The following ARHGAP25 variants were observed in gnomAD, a reference collection of about 807,000 sequenced individuals.
ARHGAP25 encodes the protein Rho GTPase activating protein 25, also known as rho GTPase-activating protein 25.
ARHGAP25 carries 34 observed loss-of-function variants against 71.0 expected under a neutral mutation model. That is an observed-to-expected ratio of 0.48 (90% confidence interval 0.36 to 0.64). The LOEUF is 0.64. ARHGAP25 is among the 30% of genes least tolerant of loss of function. The probability of loss-of-function intolerance (pLI) is 0.00; values close to 1 mark genes in which losing one functional copy is unlikely to be tolerated. For missense variants in ARHGAP25, 706 were observed against 805.1 expected, an observed-to-expected ratio of 0.88 and a Z score of 1.49; for synonymous variants, 282 against 296.5, an observed-to-expected ratio of 0.95 and a Z score of 0.50.
chr2:68,720,545 C>T (rs1372161550), intron 2 of ARHGAP25, among the ~76,000 whole-genome samples: 1 of 152,058 alleles, frequency 6.6e-6, no homozygotes, highest in African/African-American at 2.4e-5. Flanking sequence ...TTCCCAAAGT[C>T]CTACAGTAAG....
At chr2:68,811,373 G>A (rs553479275) in intron 5 of ARHGAP25, among the ~76,000 whole-genome samples, 21 of 152,150 alleles carry the variant, frequency 1.4e-4, no homozygotes, top group African/African-American at 5.1e-4. Flanking sequence ...TTGGACTTTG[G>A]GAGAATTCTG....
At chr2:68,818,671 A>G (rs930602077) in intron 8 of ARHGAP25, among the ~76,000 whole-genome samples, 1 of 152,250 alleles carries the variant, frequency 6.6e-6, no homozygotes, top group African/African-American at 2.4e-5. Flanking sequence ...CTGCTTAAAA[A>G]GCTGTGCTGT....
At chr2:68,815,001 A>AATTT (rs1457113744) in intron 6 of ARHGAP25, among the ~76,000 whole-genome samples, 2 of 152,256 alleles carry the variant, frequency 1.3e-5, no homozygotes, top group Non-Finnish European at 2.9e-5. Context: ...GGCAGCTAAA[A>AATTT]AGATAAACGT....
At chr2:68,784,175 TTC>T (rs549919568) in intron 3 of ARHGAP25, among the ~76,000 whole-genome samples, 2 of 150,206 alleles carry the variant, frequency 1.3e-5, no homozygotes, top group Non-Finnish European at 1.5e-5. Flanking sequence ...CTCTCTCTCT[TTC>T]TCTCTCTCTC....
In ARHGAP25 at chr2:68,812,197, A is replaced by T. The variant is rs148286251; in HGVS notation, c.675-1090A>T. Among the ~76,000 whole-genome samples the T allele has an allele frequency of 1.8e-4, 28 of 152,270 alleles. No individual in the cohort carries two copies. The East Asian group carries it at 5.4e-3, about 29-fold the overall frequency. On this transcript the variant is annotated intron_variant, in intron 5 of 10. Coordinates refer to ENST00000409202, the MANE Select transcript of ARHGAP25 (RefSeq NM_001007231.3). ...ACAAGTGTGGTGGTGTTCTTCTATAATTTTACTTACAGATGCTGACATCTG... is the reference window on the plus strand; with the variant it reads ...ACAAGTGTGGTGGTGTTCTTCTATATTTTTACTTACAGATGCTGACATCTG...
intron 2 of ARHGAP25, among the ~76,000 whole-genome samples, chr2:68,779,147 C>T (rs1374830263): frequency 6.6e-6 from 1 of 152,158 alleles, no homozygotes; most frequent in Non-Finnish European, 1.5e-5. Context: ...GGTTGTCTAC[C>T]AGCGGTGTGC....
intron 4 of ARHGAP25, among the ~76,000 whole-genome samples, chr2:68,802,707 A>AAGAGAG (rs35124579): frequency 8.0e-4 from 119 of 148,268 alleles, no homozygotes; most frequent in Middle Eastern, 3.4e-3. Context: ...ATAGAGGAGA[A>AAGAGAG]AGAGAGAGAG....
chr2:68,756,653 C>A (rs1188599833), intron 1 of ARHGAP25, among the ~76,000 whole-genome samples: 1 of 152,110 alleles, frequency 6.6e-6, no homozygotes, highest in African/African-American at 2.4e-5. Flanking sequence ...ACAACAATTA[C>A]AATAAACAAA....
At chr2:68,752,148 A>G (rs1312620296) in intron 1 of ARHGAP25, among the ~76,000 whole-genome samples, 1 of 152,242 alleles carries the variant, frequency 6.6e-6, no homozygotes. Flanking sequence ...CATAGAGGGC[A>G]GGCAGCAAAA....
chr2:68,729,428 G>A (rs1459094620), intron 2 of ARHGAP25, among the ~76,000 whole-genome samples: 1 of 152,174 alleles, frequency 6.6e-6, no homozygotes, highest in Admixed American at 6.5e-5. Context: ...CCTAGAGCCA[G>A]TGGGCTGCAA....
At chr2:68,738,504 ACT>A (rs1362925248) in intron 1 of ARHGAP25, among the ~76,000 whole-genome samples, 1 of 152,122 alleles carries the variant, frequency 6.6e-6, no homozygotes, top group Non-Finnish European at 1.5e-5. Flanking sequence ...TACCAAACTT[ACT>A]ATATGCTAAC....
intron 7 of ARHGAP25, 137 bp from the exon 8 acceptor site, chr2:68,817,736 G>T: frequency 9.3e-7 from 1 of 1,080,410 alleles, no homozygotes. Flanking sequence ...AAATTCTTGT[G>T]GGCAGAGCAG....
At chr2:68,816,703 T>C (rs1173929092) in intron 7 of ARHGAP25, 1 of 216,214 alleles carries the variant, frequency 4.6e-6, no homozygotes, top group Non-Finnish European at 9.4e-6. Context: ...GAGACATTCA[T>C]TCTGGGCCAC....
chr2:68,792,919 A>C (rs958188401), intron 4 of ARHGAP25, among the ~76,000 whole-genome samples: 1 of 152,156 alleles, frequency 6.6e-6, no homozygotes, highest in Non-Finnish European at 1.5e-5. Context: ...TTTTCTCTGC[A>C]TCTTGACCGA....
chr2:68,746,583 CA>C (rs1675825511), intron 1 of ARHGAP25, among the ~76,000 whole-genome samples: 1 of 152,110 alleles, frequency 6.6e-6, no homozygotes, highest in African/African-American at 2.4e-5. Flanking sequence ...AGGCCCAGAA[CA>C]AAGTTCGGAT....
intron 2 of ARHGAP25, among the ~76,000 whole-genome samples, chr2:68,711,828 T>C (rs763778166): frequency 2.0e-5 from 3 of 152,200 alleles, no homozygotes; most frequent in Non-Finnish European, 4.4e-5. Flanking sequence ...TTCATCCATG[T>C]CTCTGCAAAG....
intron 2 of ARHGAP25, among the ~76,000 whole-genome samples, chr2:68,719,737 T>A (rs1433249933): frequency 6.6e-6 from 1 of 152,142 alleles, no homozygotes; most frequent in Non-Finnish European, 1.5e-5. Flanking sequence ...ACATGAAACC[T>A]ACTTCTTATA....
chr2:68,784,437 G>A (rs1678600288), intron 3 of ARHGAP25, among the ~76,000 whole-genome samples: 1 of 151,964 alleles, frequency 6.6e-6, no homozygotes, highest in Non-Finnish European at 1.5e-5. Flanking sequence ...TCCTCTCTCT[G>A]TGATCACCAG....
At chr2:68,711,107 TG>T (rs1252152245) in intron 2 of ARHGAP25, among the ~76,000 whole-genome samples, 4 of 152,148 alleles carry the variant, frequency 2.6e-5, no homozygotes, top group African/African-American at 9.7e-5. Flanking sequence ...CCATTTAACT[TG>T]CCTTCTTTTC....
Sources: allele counts gnomAD v4.1 joint callset (sites outside exome capture counted in the v4.1 genomes callset), GRCh38; gene constraint gnomAD v4.1.1; transcripts MANE v1.5; gene names NCBI Gene and HGNC (gene_info 2026-07-23, HGNC 2026-07-21).